The following WWP1 variants were observed in gnomAD, a reference collection of about 807,000 sequenced individuals.
WWP1 encodes the protein WW domain containing E3 ubiquitin protein ligase 1.
WWP1 carries 49 observed loss-of-function variants against 130.6 expected under a neutral mutation model. The observed-to-expected ratio is 0.38, with a 90% CI of 0.30 to 0.48. WWP1 has a LOEUF of 0.48. WWP1 is among the 20% of genes least tolerant of loss of function. The pLI, the probability that WWP1 is intolerant of heterozygous loss-of-function variation, is 0.99. For synonymous variants in WWP1, 332 were observed against 367.8 expected, an observed-to-expected ratio of 0.90 and a Z score of 1.11; for missense variants, 809 against 1,100.6, an observed-to-expected ratio of 0.74 and a Z score of 3.75.
intron 8 of WWP1, among the ~76,000 whole-genome samples, chr8:86,403,748 A>G (rs532642376): frequency 1.3e-5 from 2 of 152,270 alleles, no homozygotes; most frequent in East Asian, 1.9e-4. Flanking sequence ...CCTTAAAAAA[A>G]AAAAAAGAAG....
At chr8:86,435,350 C>A in intron 14 of WWP1, 102 bp from the exon 15 acceptor site, 1 of 1,207,364 alleles carries the variant, frequency 8.3e-7, no homozygotes, top group Non-Finnish European at 1.2e-6. Flanking sequence ...AGAAATCTTC[C>A]TGTGGTATTT....
At chr8:86,431,235 C>G (rs370844847) in intron 12 of WWP1, among the ~76,000 whole-genome samples, 171 bp from the exon 13 acceptor site, 1 of 138,748 alleles carries the variant, frequency 7.2e-6, no homozygotes, top group Non-Finnish European at 1.5e-5. Flanking sequence ...GTTATATTCT[C>G]TATAATATAT....
At chr8:86,365,894 GAA>G (rs1419992713) in intron 1 of WWP1, among the ~76,000 whole-genome samples, 3 of 152,160 alleles carry the variant, frequency 2.0e-5, no homozygotes, top group Non-Finnish European at 4.4e-5. Context: ...AAGGGAGAGA[GAA>G]AGGCACAATA....
rs1044592819 is a variant in WWP1, at chr8:86,342,919, G to T, written c.-126G>T. 7 of 350,206 alleles carry T rather than the reference G, an allele frequency of 2.0e-5. No homozygotes were observed. The highest frequency in any genetic ancestry group is 4.8e-5 in the Admixed American group (1 of 20,992). 21.7% of individuals were successfully genotyped at this position (350,206 alleles called of 1,614,324 possible). ...GCCGCCCGGCTGCCGGGAGCCGACAGCTTCGCGCCGGGTAAGGACGGCGCG... is the reference window on the plus strand; with the variant it reads ...GCCGCCCGGCTGCCGGGAGCCGACATCTTCGCGCCGGGTAAGGACGGCGCG... On this transcript the variant is annotated 5_prime_UTR_variant, in exon 1 of 25. Coordinates refer to ENST00000517970, the MANE Select transcript of WWP1 (RefSeq NM_007013.4).
intron 7 of WWP1, among the ~76,000 whole-genome samples, chr8:86,401,589 T>A (rs1807983935): frequency 6.6e-6 from 1 of 152,120 alleles, no homozygotes; most frequent in Non-Finnish European, 1.5e-5. Flanking sequence ...TATACTTGAT[T>A]TTTATTTTTA....
chr8:86,381,547 C>T lies in WWP1; in HGVS notation c.252C>T (p.Ser84=), dbSNP rs868480210. ...CTACATTGGAATTTCAAGTTTGGAG[C>T]CATCGCACTTTAAAAGCAGATGCTT... is the stretch of plus-strand genomic sequence containing the variant. ...PQTTLEFQVW[S]HRTLKADALL... is the part of the protein sequence containing the mutation. The change falls in exon 5 of 25, where the codon AGC becomes AGT. Residue 84 remains serine, a synonymous_variant. Coordinates refer to ENST00000517970, the MANE Select transcript of WWP1 (RefSeq NM_007013.4). 1 of 1,610,798 alleles carries T rather than the reference C, an allele frequency of 6.2e-7. No homozygotes were observed. Among genetic ancestry groups the T allele is most frequent in the Non-Finnish European group, 8.5e-7 (1 of 1,179,232 alleles).
intron 9 of WWP1, among the ~76,000 whole-genome samples, chr8:86,413,652 G>C (rs1337554398): frequency 2.6e-5 from 4 of 152,138 alleles, no homozygotes; most frequent in African/African-American, 9.7e-5. Context: ...CAGATTCCTA[G>C]CACCCATGAA....
At chr8:86,439,066 G>A (rs1810453090) in intron 17 of WWP1, among the ~76,000 whole-genome samples, 1 of 152,050 alleles carries the variant, frequency 6.6e-6, no homozygotes, top group South Asian at 2.1e-4. Context: ...TTTAAAGGCT[G>A]GACGTGGTGG....
chr8:86,378,881 A>G (rs1246149678), intron 3 of WWP1, among the ~76,000 whole-genome samples: 1 of 152,204 alleles, frequency 6.6e-6, no homozygotes, highest in Admixed American at 6.5e-5. Context: ...CCAGACATTC[A>G]TTGATGGTGA....
chr8:86,353,491 TG>T (rs1023887258), intron 1 of WWP1, among the ~76,000 whole-genome samples: 6 of 152,204 alleles, frequency 3.9e-5, no homozygotes, highest in African/African-American at 1.4e-4. Flanking sequence ...AGGAGCCTAT[TG>T]TTTTTTTTTT....
intron 5 of WWP1, among the ~76,000 whole-genome samples, chr8:86,389,887 C>A (rs985163182): frequency 6.6e-6 from 1 of 151,994 alleles, no homozygotes; most frequent in Non-Finnish European, 1.5e-5. Context: ...GGCTGCCCCC[C>A]ACCTCCTGGA....
intron 17 of WWP1, 78 bp downstream of exon 17, chr8:86,438,751 G>T: frequency 1.7e-6 from 2 of 1,191,468 alleles, no homozygotes. Flanking sequence ...CAAAACATAT[G>T]TGAATATATT....
At chr8:86,443,913 A>C (rs977009163) in intron 18 of WWP1, among the ~76,000 whole-genome samples, 1 of 152,158 alleles carries the variant, frequency 6.6e-6, no homozygotes, top group Non-Finnish European at 1.5e-5. Flanking sequence ...AGGAGATGAG[A>C]TTGAGAGATG....
chr8:86,410,208 C>G (rs575971682), intron 8 of WWP1, among the ~76,000 whole-genome samples: 7 of 152,214 alleles, frequency 4.6e-5, no homozygotes, highest in African/African-American at 1.7e-4. Flanking sequence ...CTTTTTCTCC[C>G]CTAATGTGTT....
chr8:86,364,898 TAAAATTA>T (rs1378109424), intron 1 of WWP1, among the ~76,000 whole-genome samples: 3 of 150,764 alleles, frequency 2.0e-5, no homozygotes, highest in Non-Finnish European at 3.0e-5. Context: ...GAAAATAAAG[TAAAATTA>T]AAAATTAAAA....
chr8:86,462,134 G>A (rs1811802562), intron 24 of WWP1, among the ~76,000 whole-genome samples: 1 of 152,104 alleles, frequency 6.6e-6, no homozygotes, highest in Non-Finnish European at 1.5e-5. Context: ...GTGCCCCATG[G>A]TGGGGCACAA....
intron 8 of WWP1, among the ~76,000 whole-genome samples, chr8:86,410,046 A>G (rs1808500612): frequency 6.6e-6 from 1 of 152,192 alleles, no homozygotes; most frequent in South Asian, 2.1e-4. Flanking sequence ...TAATCTGCTA[A>G]CAGTAGATTT....
chr8:86,415,615 A>T (rs1045564223), intron 9 of WWP1, among the ~76,000 whole-genome samples: 4 of 152,206 alleles, frequency 2.6e-5, no homozygotes, highest in African/African-American at 9.7e-5. Flanking sequence ...TGTCTGTGTA[A>T]CTCAAATCTT....
At chr8:86,426,028 A>G (rs1809605142) in intron 10 of WWP1, among the ~76,000 whole-genome samples, 1 of 152,218 alleles carries the variant, frequency 6.6e-6, no homozygotes, top group South Asian at 2.1e-4. Flanking sequence ...ATTTTAAAAC[A>G]CATTCAAAAT....
Sources: allele counts gnomAD v4.1 joint callset (sites outside exome capture counted in the v4.1 genomes callset), GRCh38; gene constraint gnomAD v4.1.1; transcripts MANE v1.5; gene names NCBI Gene and HGNC (gene_info 2026-07-23, HGNC 2026-07-21).